The following FIZ1 variants were observed in gnomAD, a reference collection of about 807,000 sequenced individuals.
FIZ1 encodes FLT3 interacting zinc finger 1.
Under a neutral mutation model 5.3 loss-of-function variants are expected in FIZ1, and 2 were observed. The observed-to-expected ratio is 0.37, with a 90% CI of 0.15 to 1.18. The LOEUF is 1.18. Among genes scored for constraint, FIZ1 ranks in the 50% most tolerant of loss-of-function variants. FIZ1 has a pLI of 0.37. For missense variants in FIZ1, 631 were observed against 749.7 expected (o/e 0.84, Z 1.85); for synonymous variants, 407 against 364.2 (o/e 1.12, Z -1.34).
At position 55,593,026 on chromosome 19, in the gene FIZ1, G is replaced by A. The variant is rs767976244; in HGVS notation, c.915C>T (p.Leu305=). Reference sequence around the variant, plus strand: ...CACCGCCCTCGGGGAGCAGCCCCCCGAGCTTGGGCACGCCGCCCCCCGCGG... The same window carrying A: ...CACCGCCCTCGGGGAGCAGCCCCCCAAGCTTGGGCACGCCGCCCCCCGCGG... The part of the protein sequence containing the change: ...LGPAGGGVPK[L]GGLLPEGGGE... Residue 305 remains leucine, a synonymous_variant, in exon 3 of 3, where the codon CTC becomes CTT. Coordinates refer to ENST00000221665, the MANE Select transcript of FIZ1 (RefSeq NM_032836.3). This position sits in a 1 kb window ranked among gnomAD's most constrained non-coding sequence, Gnocchi z 6.3. The A allele has an allele frequency of 7.0e-6, 10 of 1,437,462 alleles. No homozygotes were observed. The East Asian group carries it at 9.2e-5, about 13-fold the overall frequency. 89.0% of individuals were successfully genotyped at this position (1,437,462 alleles called of 1,614,324 possible). A position where few individuals can be genotyped will look rare whatever the true frequency, so the allele number is the denominator to read the frequency against.
intron 2 of FIZ1, among the ~76,000 whole-genome samples, chr19:55,594,714 AAAAAG>A (rs1180433891): frequency 6.6e-6 from 1 of 150,402 alleles, no homozygotes; most frequent in African/African-American, 2.5e-5. Context: ...AAAAAAAAAA[AAAAAG>A]AAATCACTAT....
At position 55,592,671 on chromosome 19, in the gene FIZ1, G is replaced by A. The variant is rs768669270; in HGVS notation, c.1270C>T (p.Arg424Cys). Residue 424 changes from arginine to cysteine, a missense_variant, in exon 3 of 3, where the codon CGC becomes TGC. Arg to Cys is a radical substitution (Grantham distance 180, BLOSUM62 -3). Coordinates refer to ENST00000221665, the MANE Select transcript of FIZ1 (RefSeq NM_032836.3). This position sits in a 1 kb window ranked among gnomAD's most constrained non-coding sequence, Gnocchi z 6.9. ...TGCCGCTCCAGGTCTCGCGGTGAGC[G>A]GAACAGCTTCTCGCACTCGGAGCAG... ...FGCSECEKLFRSPRDLERHVL... is the reference protein window; with the variant it reads ...FGCSECEKLFCSPRDLERHVL... The A allele has an allele frequency of 6.2e-7, 1 of 1,613,272 alleles. No individual in the cohort carries two copies. The highest frequency in any genetic ancestry group is 8.5e-7 in the Non-Finnish European group (1 of 1,179,890).
In FIZ1 at chr19:55,593,176, C is replaced by G; in HGVS notation, c.765G>C (p.Pro255=). Residue 255 remains proline, a synonymous_variant, in exon 3 of 3, where the codon CCG becomes CCC. Transcript: ENST00000221665. This position sits in a 1 kb window ranked among gnomAD's most constrained non-coding sequence, Gnocchi z 6.3. ...CCCAGGCCTGCGCTGGGGGCGCGCC[C>G]GGGCCCTGCAGGTCGTGCGTCAGCT... ...RHKLTHDLQG[P]GAPPAQAWAA... 1 of 1,167,392 alleles carries G rather than the reference C, an allele frequency of 8.6e-7. No individual in the cohort carries two copies. The highest frequency in any genetic ancestry group is 1.1e-6 in the Non-Finnish European group (1 of 941,732). 72.3% of individuals were successfully genotyped at this position (1,167,392 alleles called of 1,614,324 possible).
chr19:55,596,227 G>C (rs1980320208), intron 2 of FIZ1, among the ~76,000 whole-genome samples: 1 of 152,142 alleles, frequency 6.6e-6, no homozygotes, highest in Non-Finnish European at 1.5e-5. Context: ...GCAGAGACTG[G>C]ATGTGAGGGA....
At chr19:55,597,335 A>C (rs1305245649) in intron 2 of FIZ1, among the ~76,000 whole-genome samples, 2 of 152,040 alleles carry the variant, frequency 1.3e-5, no homozygotes, top group Admixed American at 6.5e-5. Flanking sequence ...GAGCCTATAG[A>C]TGGGGAAATT....
At position 55,593,156 on chromosome 19, in the gene FIZ1, G is replaced by A; in HGVS notation, c.785C>T (p.Ala262Val). Reference protein sequence around the residue: ...LQGPGAPPAQAWAAGPGAGPE... With the variant: ...LQGPGAPPAQVWAAGPGAGPE... ...CCCTGCGCCTGGCCCCGCGGCCCAGGCCTGCGCTGGGGGCGCGCCCGGGCC... is the reference window on the plus strand; with the variant it reads ...CCCTGCGCCTGGCCCCGCGGCCCAGACCTGCGCTGGGGGCGCGCCCGGGCC... Residue 262 changes from alanine to valine, a missense_variant, in exon 3 of 3, where the codon GCC becomes GTC. Physicochemically the swap from Ala to Val is moderately conservative, Grantham distance 64. Transcript: ENST00000221665. This position sits in a 1 kb window ranked among gnomAD's most constrained non-coding sequence, Gnocchi z 6.3. 1.7e-6 allele frequency: 2 copies of A among 1,177,370 alleles called. No individual in the cohort carries two copies. The highest frequency in any genetic ancestry group is 2.1e-6 in the Non-Finnish European group (2 of 949,224). The allele number at this position is 1,177,370 out of a possible 1,614,324, so 72.9% of individuals were successfully genotyped here.
chr19:55,594,246 G>A (rs1980204881), intron 2 of FIZ1, among the ~76,000 whole-genome samples: 1 of 151,924 alleles, frequency 6.6e-6, no homozygotes, highest in Non-Finnish European at 1.5e-5. Context: ...AAAATTACCC[G>A]GGCCTGGTGG....
chr19:55,591,715 A>ATGT lies in FIZ1; in HGVS notation c.*732_*734dup, dbSNP rs964040310. ...GCCACAGCCTAGACCAGCCCATTCC[A>ATGT]TGTGATGGGGGTGTGTGCACATAGA... On this transcript the variant is annotated 3_prime_UTR_variant, in exon 3 of 3. Coordinates refer to ENST00000221665, the MANE Select transcript of FIZ1 (RefSeq NM_032836.3). 2 of 152,626 alleles carry ATGT rather than the reference A, an allele frequency of 1.3e-5. No homozygotes were observed. Among genetic ancestry groups the ATGT allele is most frequent in the Non-Finnish European group, 2.9e-5 (2 of 68,090 alleles). 9.5% of individuals were successfully genotyped at this position (152,626 alleles called of 1,614,324 possible). A position where few individuals can be genotyped will look rare whatever the true frequency, so the allele number is the denominator to read the frequency against.
chr19:55,598,318 T>G (rs1980437118), intron 1 of FIZ1: 1 of 172,684 alleles, frequency 5.8e-6, no homozygotes, highest in Admixed American at 5.4e-5. Context: ...CAAAAGGCCC[T>G]CCCACTCCCC....
In FIZ1 at chr19:55,591,482, C is replaced by A. The variant is rs1034519924; in HGVS notation, c.*968G>T. 3 of 152,356 alleles carry A rather than the reference C, an allele frequency of 2.0e-5. No individual in the cohort carries two copies. The highest frequency in any genetic ancestry group is 4.8e-5 in the African/African-American group (2 of 41,436). The allele number at this position is 152,356 out of a possible 1,614,324, so 9.4% of individuals were successfully genotyped here. Reference sequence around the variant, plus strand: ...ACCCCCTAGCCAAATGCCCCCTTCCCCTAGGGATTGGGAGGAAGACAGAGA... The same window carrying A: ...ACCCCCTAGCCAAATGCCCCCTTCCACTAGGGATTGGGAGGAAGACAGAGA... On this transcript the variant is annotated 3_prime_UTR_variant, in exon 3 of 3. Transcript: ENST00000221665.
rs1441885750 is a variant in FIZ1, at chr19:55,591,582, C to G, written c.*868G>C. On this transcript the variant is annotated 3_prime_UTR_variant, in exon 3 of 3. Transcript: ENST00000221665. ...GAGGGAAGGAAACCCCAGTGTCCAC[C>G]ACCTCCCACTCAGATGAGTTCACAG... The G allele has an allele frequency of 2.0e-5, 3 of 152,346 alleles. No individual in the cohort carries two copies. The highest frequency in any genetic ancestry group is 4.4e-5 in the Non-Finnish European group (3 of 68,154). 9.4% of individuals were successfully genotyped at this position (152,346 alleles called of 1,614,324 possible).
At position 55,592,923 on chromosome 19, in the gene FIZ1, C is replaced by T; in HGVS notation, c.1018G>A (p.Ala340Thr). ...TGACTGGCCAGGGCCGCGGCCGACG[C>T]AAAGAAGGTCCCGCAGTCGCACTGG... The part of the protein sequence containing the change: ...LYQCDCGTFF[A>T]SAAALASHLE... The change falls in exon 3 of 3, where the codon GCG (alanine) becomes ACG (threonine). Residue 340 changes from alanine to threonine, a missense_variant. Ala to Thr is a moderately conservative substitution (Grantham distance 58). This residue lies in a region of FIZ1 where 463 missense variants were observed against 455.1 expected (regional missense o/e 1.02). Transcript: ENST00000221665. This position sits in a 1 kb window ranked among gnomAD's most constrained non-coding sequence, Gnocchi z 6.9. 1 of 1,553,608 alleles carries T rather than the reference C, an allele frequency of 6.4e-7. No individual in the cohort carries two copies. The highest frequency in any genetic ancestry group is 8.6e-7 in the Non-Finnish European group (1 of 1,157,706).
In FIZ1 at chr19:55,592,463, C is replaced by A; in HGVS notation, c.1478G>T (p.Arg493Leu). The part of the protein sequence containing the change: ...SNLSRHLKLH[R>L]GMD Reference sequence around the variant, plus strand: ...GCAGCCTGGCAGTCAGTCCATGCCCCGGTGCAGCTTCAGGTGCCTGGAGAG... The same window carrying A: ...GCAGCCTGGCAGTCAGTCCATGCCCAGGTGCAGCTTCAGGTGCCTGGAGAG... Residue 493 changes from arginine (R) to leucine (L), a missense_variant, in exon 3 of 3, where the codon CGG becomes CTG. Arg to Leu is a moderately radical substitution (Grantham distance 102). Around this residue, in one of 4 missense-constraint regions of FIZ1, gnomAD observed 61 missense variants for 96.9 expected, o/e 0.63. Transcript: ENST00000221665. The surrounding 1 kb of genome is among the most constrained non-coding windows in gnomAD (Gnocchi z 6.9). 6.4e-7 allele frequency: 1 copy of A among 1,572,194 alleles called. No homozygotes were observed. Among genetic ancestry groups the A allele is most frequent in the East Asian group, 2.3e-5 (1 of 43,082 alleles).
At position 55,592,587 on chromosome 19, in the gene FIZ1, G is replaced by A. The variant is rs1246714458; in HGVS notation, c.1354C>T (p.Arg452Cys). Reference protein sequence around the residue: ...FPCLECGKFFRHECYLKRHRL... With the variant: ...FPCLECGKFFCHECYLKRHRL... The stretch of plus-strand genomic sequence containing the variant: ...TGGCGCTTGAGGTAGCACTCGTGGC[G>A]GAAGAACTTGCCGCACTCCAGGCAC... Residue 452 changes from arginine (R) to cysteine (C), a missense_variant, in exon 3 of 3, where the codon CGC (arginine) becomes TGC (cysteine). Physicochemically the swap from Arg to Cys is radical, Grantham distance 180. Coordinates refer to ENST00000221665, the MANE Select transcript of FIZ1 (RefSeq NM_032836.3). This position sits in a 1 kb window ranked among gnomAD's most constrained non-coding sequence, Gnocchi z 6.9. The A allele has an allele frequency of 6.2e-7, 1 of 1,613,218 alleles. No homozygotes were observed. The highest frequency in any genetic ancestry group is 1.3e-5 in the African/African-American group (1 of 75,046).
At position 55,592,713 on chromosome 19, in the gene FIZ1, C is replaced by G; in HGVS notation, c.1228G>C (p.Gly410Arg). Residue 410 changes from glycine (G) to arginine (R), a missense_variant, in exon 3 of 3, where the codon GGC becomes CGC. This residue lies in a region of FIZ1 where 463 missense variants were observed against 455.1 expected (regional missense o/e 1.02). Transcript: ENST00000221665. The surrounding 1 kb of genome is among the most constrained non-coding windows in gnomAD (Gnocchi z 6.9). Reference protein sequence around the residue: ...SGEPPSGSGRGKKIFGCSECE... With the variant: ...SGEPPSGSGRRKKIFGCSECE... Reference sequence around the variant, plus strand: ...TCGGAGCAGCCGAAGATCTTCTTGCCGCGGCCGGAGCCAGACGGGGGTTCC... The same window carrying G: ...TCGGAGCAGCCGAAGATCTTCTTGCGGCGGCCGGAGCCAGACGGGGGTTCC... 1 of 1,612,650 alleles carries G rather than the reference C, an allele frequency of 6.2e-7. No individual in the cohort carries two copies. The highest frequency in any genetic ancestry group is 8.5e-7 in the Non-Finnish European group (1 of 1,179,762).
Position 55,592,904 on chromosome 19 carries a change from G to A in FIZ1, c.1037C>T (p.Ala346Val). 3 of 1,541,982 alleles carry A rather than the reference G, an allele frequency of 1.9e-6. No homozygotes were observed. The highest frequency in any genetic ancestry group is 1.2e-5 in the South Asian group (1 of 85,246). The stretch of plus-strand genomic sequence containing the variant: ...GCCCGAGTGGGCCTCCAGGTGACTG[G>A]CCAGGGCCGCGGCCGACGCAAAGAA... ...GTFFASAAALASHLEAHSGPA... is the reference protein window; with the variant it reads ...GTFFASAAALVSHLEAHSGPA... Residue 346 changes from alanine (A) to valine (V), a missense_variant, in exon 3 of 3, where the codon GCC (alanine) becomes GTC (valine). Physicochemically the swap from Ala to Val is moderately conservative, Grantham distance 64. Coordinates refer to ENST00000221665, the MANE Select transcript of FIZ1 (RefSeq NM_032836.3). The surrounding 1 kb of genome is among the most constrained non-coding windows in gnomAD (Gnocchi z 6.9).
In FIZ1 at chr19:55,593,135, G is replaced by A; in HGVS notation, c.806C>T (p.Ala269Val). Residue 269 changes from alanine (A) to valine (V), a missense_variant, in exon 3 of 3, where the codon GCA becomes GTA. Coordinates refer to ENST00000221665, the MANE Select transcript of FIZ1 (RefSeq NM_032836.3). The surrounding 1 kb of genome is among the most constrained non-coding windows in gnomAD (Gnocchi z 6.3). ...PAQAWAAGPG[A>V]GPETAGEGTA... ...GCCTTCGCCCGCCGTCTCGGGCCCT[G>A]CGCCTGGCCCCGCGGCCCAGGCCTG... 8.2e-7 allele frequency: 1 copy of A among 1,218,416 alleles called. No individual in the cohort carries two copies. The highest frequency in any genetic ancestry group is 1.0e-6 in the Non-Finnish European group (1 of 975,062). The allele number at this position is 1,218,416 out of a possible 1,614,324, so 75.5% of individuals were successfully genotyped here. A position where few individuals can be genotyped will look rare whatever the true frequency, so the allele number is the denominator to read the frequency against.
rs766497163 is a variant in FIZ1 at position 55,592,710 on chromosome 19, T to C, written c.1231A>G (p.Lys411Glu). The change falls in exon 3 of 3, where the codon AAG becomes GAG. Residue 411 changes from lysine (K) to glutamate (E), a missense_variant. By Grantham distance (56) the Lys-to-Glu change is moderately conservative (BLOSUM62 1). Coordinates refer to ENST00000221665, the MANE Select transcript of FIZ1 (RefSeq NM_032836.3). The surrounding 1 kb of genome is among the most constrained non-coding windows in gnomAD (Gnocchi z 6.9). ...CACTCGGAGCAGCCGAAGATCTTCT[T>C]GCCGCGGCCGGAGCCAGACGGGGGT... ...GEPPSGSGRG[K>E]KIFGCSECEK... is the part of the protein sequence containing the mutation. 6.2e-7 allele frequency: 1 copy of C among 1,612,536 alleles called. No homozygotes were observed. The highest frequency in any genetic ancestry group is 8.5e-7 in the Non-Finnish European group (1 of 1,179,730).
chr19:55,593,442 C>T lies in FIZ1; in HGVS notation c.499G>A (p.Gly167Arg). The T allele has an allele frequency of 6.5e-7, 1 of 1,537,702 alleles. No homozygotes were observed. Among genetic ancestry groups the T allele is most frequent in the Non-Finnish European group, 8.7e-7 (1 of 1,142,904 alleles). The change falls in exon 3 of 3, where the codon GGG (glycine) becomes AGG (arginine). Residue 167 changes from glycine (G) to arginine (R), a missense_variant. Gly to Arg is a moderately radical substitution (Grantham distance 125, BLOSUM62 -2). Around this residue, in one of 4 missense-constraint regions of FIZ1, gnomAD observed 463 missense variants for 455.1 expected, o/e 1.02. Coordinates refer to ENST00000221665, the MANE Select transcript of FIZ1 (RefSeq NM_032836.3). The surrounding 1 kb of genome is among the most constrained non-coding windows in gnomAD (Gnocchi z 6.3). Reference sequence around the variant, plus strand: ...TCGGGGCCCTCTCCGCCGCCGGCCCCTGAGCCCCCGCACACCGAGCAGGGC... The same window carrying T: ...TCGGGGCCCTCTCCGCCGCCGGCCCTTGAGCCCCCGCACACCGAGCAGGGC... Reference protein sequence around the residue: ...VGPCSVCGGSGAGGGEGPEGA... With the variant: ...VGPCSVCGGSRAGGGEGPEGA...
Sources: allele counts gnomAD v4.1 joint callset (sites outside exome capture counted in the v4.1 genomes callset), GRCh38; gene constraint gnomAD v4.1.1; regional missense constraint gnomAD v4.1.1; non-coding constraint Gnocchi (gnomAD v3.1); transcripts MANE v1.5; gene names NCBI Gene and HGNC (gene_info 2026-07-23, HGNC 2026-07-21).